GRM8: variants seen among roughly 807,000 people sequenced by gnomAD.
GRM8 encodes metabotropic glutamate receptor 8.
GRM8 carries 47 observed loss-of-function variants against 87.2 expected under a neutral mutation model. That is an observed-to-expected ratio of 0.54 (90% confidence interval 0.43 to 0.69). The LOEUF (loss-of-function observed/expected upper bound fraction) is 0.69, where lower values mean the gene tolerates loss of function less well. Among genes scored for constraint, GRM8 ranks in the 30% least tolerant of loss-of-function variants. The pLI, the probability that GRM8 is intolerant of heterozygous loss-of-function variation, is 0.00. For missense variants in GRM8, 1,019 were observed against 1,139.2 expected, an observed-to-expected ratio of 0.89 and a Z score of 1.52; for synonymous variants, 396 against 404.5, an observed-to-expected ratio of 0.98 and a Z score of 0.25.
chr7:126,530,551 CG>C (rs1490948124), intron 9 of GRM8, among the ~76,000 whole-genome samples: 2 of 152,162 alleles, frequency 1.3e-5, no homozygotes, highest in African/African-American at 2.4e-5. Flanking sequence ...AGTTCAATGC[CG>C]GACACAATGC....
At chr7:127,073,575 G>T (rs1401749774) in intron 3 of GRM8, among the ~76,000 whole-genome samples, 2 of 152,140 alleles carry the variant, frequency 1.3e-5, no homozygotes, top group Non-Finnish European at 2.9e-5. Flanking sequence ...TCAGGGGAAT[G>T]ATTATTATTT....
At position 127,022,952 on chromosome 7, in the gene GRM8, A is replaced by G. The variant is rs550920970; in HGVS notation, c.727+83544T>C. On this transcript the variant is annotated intron_variant, in intron 3 of 10. Transcript: ENST00000339582. ...TTTTAAATACCTAGCAAGATGCTCA[A>G]TTGACGGTAGTAACATAATAAATTA... is the stretch of plus-strand genomic sequence containing the variant. 3.3e-5 allele frequency among the ~76,000 whole-genome samples: 5 copies of G among 152,196 alleles called. No homozygotes were observed. In the East Asian group the frequency reaches 7.7e-4, roughly 24 times the overall value.
chr7:126,585,232 CTG>C (rs1228622698), intron 8 of GRM8, among the ~76,000 whole-genome samples: 1 of 152,066 alleles, frequency 6.6e-6, no homozygotes, highest in Non-Finnish European at 1.5e-5. Context: ...TGGTGAATAA[CTG>C]TAGCAAATTC....
intron 7 of GRM8, among the ~76,000 whole-genome samples, chr7:126,629,102 C>A (rs941356147): frequency 6.6e-6 from 1 of 152,170 alleles, no homozygotes; most frequent in African/African-American, 2.4e-5. Context: ...TAACTGACTG[C>A]TACTTAGGCT....
intron 2 of GRM8, among the ~76,000 whole-genome samples, chr7:127,199,131 G>A (rs1483260934): frequency 2.0e-5 from 3 of 146,414 alleles, no homozygotes; most frequent in African/African-American, 4.9e-5. Flanking sequence ...GTGAGCCACC[G>A]CACCCGGCTT....
chr7:127,138,017 T>G (rs998889842), intron 2 of GRM8, among the ~76,000 whole-genome samples: 7 of 152,162 alleles, frequency 4.6e-5, no homozygotes, highest in Non-Finnish European at 1.0e-4. Context: ...TTGCCACAAA[T>G]CAGATATTTA....
intron 9 of GRM8, among the ~76,000 whole-genome samples, chr7:126,475,743 C>G (rs1266778203): frequency 6.6e-6 from 1 of 152,074 alleles, no homozygotes; most frequent in African/African-American, 2.4e-5. Context: ...GTAATCAAAA[C>G]AGCATGGTGC....
intron 6 of GRM8, among the ~76,000 whole-genome samples, chr7:126,844,658 T>C (rs112338427): frequency 6.6e-6 from 1 of 152,256 alleles, no homozygotes; most frequent in African/African-American, 2.4e-5. Flanking sequence ...AGGCTTGAAG[T>C]CCAACATCAG....
At chr7:126,896,697 T>C (rs924841650) in intron 6 of GRM8, among the ~76,000 whole-genome samples, 5 of 152,166 alleles carry the variant, frequency 3.3e-5, no homozygotes. Flanking sequence ...GATTGCTTGT[T>C]TGTGGGAAGA....
At chr7:126,513,447 G>A (rs1240997664) in intron 9 of GRM8, among the ~76,000 whole-genome samples, 1 of 152,082 alleles carries the variant, frequency 6.6e-6, no homozygotes, top group African/African-American at 2.4e-5. Context: ...TCTACCTAAT[G>A]TTAGTATATT....
intron 2 of GRM8, among the ~76,000 whole-genome samples, chr7:127,167,355 T>C (rs570905278): frequency 1.6e-4 from 25 of 152,302 alleles, no homozygotes; most frequent in African/African-American, 6.0e-4. Flanking sequence ...TACTGTTGGG[T>C]TTTAATAATA....
chr7:127,141,541 T>C (rs1828254972), intron 2 of GRM8, among the ~76,000 whole-genome samples: 1 of 152,128 alleles, frequency 6.6e-6, no homozygotes, highest in South Asian at 2.1e-4. Context: ...TCACATATTT[T>C]CTCAGGAAAT....
At chr7:126,600,255 G>C (rs1304012452) in intron 8 of GRM8, among the ~76,000 whole-genome samples, 4 of 152,084 alleles carry the variant, frequency 2.6e-5, no homozygotes, top group Non-Finnish European at 5.9e-5. Flanking sequence ...GTTGACCCTT[G>C]GACAACATGG....
At chr7:127,228,908 C>G (rs1271824416) in intron 2 of GRM8, 2 of 152,158 alleles carry the variant, frequency 1.3e-5, no homozygotes, top group African/African-American at 4.8e-5. Flanking sequence ...AAAATCTAAA[C>G]TTGTACCACT....
At chr7:127,224,868 G>T (rs1797215057) in intron 2 of GRM8, among the ~76,000 whole-genome samples, 1 of 152,050 alleles carries the variant, frequency 6.6e-6, no homozygotes, top group African/African-American at 2.4e-5. Flanking sequence ...GCCCGCCTTG[G>T]CCTCCTAAAG....
chr7:126,566,431 A>G (rs930417954), intron 8 of GRM8, among the ~76,000 whole-genome samples: 2 of 152,218 alleles, frequency 1.3e-5, no homozygotes, highest in African/African-American at 4.8e-5. Flanking sequence ...AATGCTCAAC[A>G]TTATTTCCTG....
intron 3 of GRM8, among the ~76,000 whole-genome samples, chr7:127,091,225 T>C (rs763512371): frequency 1.6e-4 from 24 of 152,012 alleles, no homozygotes; most frequent in Non-Finnish European, 3.1e-4. Context: ...GCCCCCTTAT[T>C]AGCTTGCACT....
chr7:127,029,673 T>C (rs1817163777), intron 3 of GRM8, among the ~76,000 whole-genome samples: 1 of 147,408 alleles, frequency 6.8e-6, no homozygotes, highest in Non-Finnish European at 1.5e-5. Context: ...TTTTTTTTTC[T>C]TTCCATTTGC....
At chr7:126,738,850 G>A (rs943480876) in intron 7 of GRM8, among the ~76,000 whole-genome samples, 3 of 151,496 alleles carry the variant, frequency 2.0e-5, no homozygotes, top group Non-Finnish European at 4.4e-5. Context: ...AAAAGGAGGA[G>A]GGGGAGGAAG....
Sources: gnomAD v4.1 joint callset for allele counts (sites outside exome capture counted in the v4.1 genomes callset) on GRCh38, gnomAD v4.1.1 for gene constraint, MANE v1.5 for transcripts, NCBI Gene and HGNC (gene_info 2026-07-23, HGNC 2026-07-21) for gene names.